Variants in TNPO3 observed in about 807,000 individuals in gnomAD.
TNPO3 encodes transportin 3.
A neutral mutation model predicts 122.8 loss-of-function variants in TNPO3; 65 were observed. That is an observed-to-expected ratio of 0.53 (90% CI 0.43 to 0.65). The LOEUF (loss-of-function observed/expected upper bound fraction) is 0.65. TNPO3 is among the 30% of genes least tolerant of loss of function. TNPO3 has a pLI of 0.00. For synonymous variants in TNPO3, 372 were observed against 411.2 expected, an observed-to-expected ratio of 0.90 and a Z score of 1.15; for missense variants, 850 against 1,136.7, an observed-to-expected ratio of 0.75 and a Z score of 3.63.
At chr7:129,012,347 T>C (rs1803316056) in intron 4 of TNPO3, among the ~76,000 whole-genome samples, 1 of 152,178 alleles carries the variant, frequency 6.6e-6, no homozygotes, top group Non-Finnish European at 1.5e-5. Context: ...CAATTTTTAA[T>C]AGAATTTTAA....
At chr7:129,036,607 T>A (rs982193696) in intron 1 of TNPO3, among the ~76,000 whole-genome samples, 6 of 152,200 alleles carry the variant, frequency 3.9e-5, no homozygotes, top group Non-Finnish European at 8.8e-5. Flanking sequence ...AACATTTTAG[T>A]TTATTTTAGA....
At position 129,015,012 on chromosome 7, in the gene TNPO3, C is replaced by T. The variant is rs1425580312; in HGVS notation, c.519G>A (p.Leu173=). 6.2e-7 allele frequency: 1 copy of T among 1,611,478 alleles called. No homozygotes were observed. The highest frequency in any genetic ancestry group is 1.7e-5 in the Admixed American group (1 of 58,992). ...ATACTACTGTACTAGAGTAGAAGGCCAAATCTTCTATAATTTCTGTGCGCC... is the reference window on the plus strand; with the variant it reads ...ATACTACTGTACTAGAGTAGAAGGCTAAATCTTCTATAATTTCTGTGCGCC... The part of the protein sequence containing the change: ...ANRRTEIIED[L]AFYSSTVVSL... The change falls in exon 4 of 23, where the codon TTG becomes TTA. Residue 173 remains leucine, a synonymous_variant. Coordinates refer to ENST00000265388, the MANE Select transcript of TNPO3 (RefSeq NM_012470.4).
At chr7:129,027,904 T>C (rs1805446534) in intron 1 of TNPO3, among the ~76,000 whole-genome samples, 1 of 152,166 alleles carries the variant, frequency 6.6e-6, no homozygotes, top group South Asian at 2.1e-4. Context: ...ACAAGAAATA[T>C]ACCACTCCTT....
rs1023935663 is a variant in TNPO3 at position 129,000,500 on chromosome 7, G to C, written c.940C>G (p.Pro314Ala). 1.9e-6 allele frequency: 3 copies of C among 1,614,012 alleles called. No individual in the cohort carries two copies. Among genetic ancestry groups the C allele is most frequent in the Admixed American group, 1.7e-5 (1 of 60,010 alleles). The change falls in exon 7 of 23, where the codon CCA becomes GCA. Residue 314 changes from proline (P) to alanine (A), a missense_variant. Coordinates refer to ENST00000265388, the MANE Select transcript of TNPO3 (RefSeq NM_012470.4). ...ETFLEKIVCT[P>A]GQGLGDLRTL... ...CGAAGGTCCCCAAGACCTTGGCCTG[G>C]AGTACAAACAATTTTTTCAAGAAAA...
intron 4 of TNPO3, among the ~76,000 whole-genome samples, chr7:129,006,618 T>G (rs1802605746): frequency 6.6e-6 from 1 of 152,192 alleles, no homozygotes; most frequent in Non-Finnish European, 1.5e-5. Flanking sequence ...TCCATGGGGT[T>G]CAGGAGGCAT....
intron 1 of TNPO3, among the ~76,000 whole-genome samples, chr7:129,025,350 C>CAAAAAAA (rs71162548): frequency 4.8e-5 from 1 of 20,718 alleles, no homozygotes; most frequent in Non-Finnish European, 8.4e-5. Context: ...AACTCTGTCA[C>CAAAAAAA]AAAAAAAAAA....
intron 1 of TNPO3, among the ~76,000 whole-genome samples, chr7:129,054,095 T>G (rs1409917531): frequency 1.3e-5 from 2 of 152,214 alleles, no homozygotes; most frequent in Non-Finnish European, 1.5e-5. Context: ...TTTTTCTTCA[T>G]ATTATGTTGC....
At chr7:128,980,107 G>GCTTA (rs1799477140) in intron 14 of TNPO3, 76 bp from the exon 15 acceptor site, 1 of 1,262,166 alleles carries the variant, frequency 7.9e-7, no homozygotes, top group Non-Finnish European at 1.2e-6. Context: ...ATCCCTGCTT[G>GCTTA]CTTACTTAGT....
Position 128,957,222 on chromosome 7 carries a change from A to C in TNPO3, c.*31+2T>G. The C allele has an allele frequency of 6.2e-7, 1 of 1,613,504 alleles. No homozygotes were observed. The highest frequency in any genetic ancestry group is 8.5e-7 in the Non-Finnish European group (1 of 1,179,458). ...CAAAAGCTGGGAACTATGTATCCTC[A>C]CCTGGGTGACAGGCACAGTGCAGGA... On this transcript the variant is annotated splice_donor_variant, in intron 22 of 22. Coordinates refer to ENST00000265388, the MANE Select transcript of TNPO3 (RefSeq NM_012470.4). LOFTEE classifies it low-confidence loss of function (3UTR_SPLICE).
At chr7:128,956,382 C>T (rs901612033) in intron 22 of TNPO3, among the ~76,000 whole-genome samples, 7 of 152,162 alleles carry the variant, frequency 4.6e-5, no homozygotes, top group African/African-American at 7.2e-5. Context: ...AAGAAACTGG[C>T]ACCCAAATTC....
At chr7:128,980,268 T>C (rs904695219) in intron 14 of TNPO3, among the ~76,000 whole-genome samples, 4 of 152,250 alleles carry the variant, frequency 2.6e-5, no homozygotes, top group Non-Finnish European at 5.9e-5. Context: ...TTTGGGTAGA[T>C]GGGCTGTGAG....
intron 21 of TNPO3, among the ~76,000 whole-genome samples, chr7:128,964,436 C>T (rs990374291): frequency 2.7e-5 from 4 of 150,016 alleles, no homozygotes; most frequent in South Asian, 2.1e-4. Flanking sequence ...CCCGGGTTCA[C>T]GCCATTCTCC....
At chr7:128,991,544 C>A (rs1358372088) in intron 10 of TNPO3, among the ~76,000 whole-genome samples, 1 of 152,178 alleles carries the variant, frequency 6.6e-6, no homozygotes, top group Non-Finnish European at 1.5e-5. Context: ...CCCTTTAGAT[C>A]TGGCTCTTTT....
At chr7:129,015,984 T>A (rs1015454811) in intron 3 of TNPO3, among the ~76,000 whole-genome samples, 1 of 151,862 alleles carries the variant, frequency 6.6e-6, no homozygotes, top group Non-Finnish European at 1.5e-5. Flanking sequence ...GAGGCTGAGG[T>A]GGGAGGATCA....
chr7:128,966,568 G>C (rs1199257419), intron 21 of TNPO3, among the ~76,000 whole-genome samples: 5 of 152,182 alleles, frequency 3.3e-5, no homozygotes, highest in Admixed American at 2.6e-4. Flanking sequence ...CTCTATTTTT[G>C]ACATTATCTG....
chr7:129,005,287 T>C, intron 4 of TNPO3, 128 bp from the exon 5 acceptor site: 1 of 889,420 alleles, frequency 1.1e-6, no homozygotes, highest in Non-Finnish European at 1.6e-6. Context: ...AAGTGCTTTT[T>C]AAGTTTAAGT....
intron 20 of TNPO3, among the ~76,000 whole-genome samples, chr7:128,969,708 T>C (rs1256561387): frequency 6.6e-6 from 1 of 152,210 alleles, no homozygotes; most frequent in Non-Finnish European, 1.5e-5. Context: ...CTGTACATTG[T>C]GGGTTACTTT....
At chr7:128,997,341 G>A in intron 8 of TNPO3, 48 bp downstream of exon 8, 1 of 1,603,038 alleles carries the variant, frequency 6.2e-7, no homozygotes. Context: ...AGTTGGCACT[G>A]ACAAGAGGAA....
intron 18 of TNPO3, among the ~76,000 whole-genome samples, chr7:128,974,568 A>G (rs1288964742): frequency 1.3e-5 from 2 of 152,196 alleles, no homozygotes; most frequent in African/African-American, 4.8e-5. Context: ...ACGAACAGTT[A>G]AAACCTACAG....
Sources: allele counts gnomAD v4.1 joint callset (sites outside exome capture counted in the v4.1 genomes callset), GRCh38; gene constraint gnomAD v4.1.1; transcripts MANE v1.5; gene names NCBI Gene and HGNC (gene_info 2026-07-23, HGNC 2026-07-21).